Variants in EIF2S1 observed in about 807,000 individuals in gnomAD.
EIF2S1 encodes the protein eukaryotic translation initiation factor 2 subunit 1.
In EIF2S1, 5 loss-of-function variants were observed where a neutral mutation model predicts 33.5. That is an observed-to-expected ratio of 0.15 (90% CI 0.08 to 0.31). EIF2S1 has a LOEUF of 0.31. Ranked by LOEUF, EIF2S1 falls within the 10% of genes least tolerant of loss-of-function variation. EIF2S1 has a pLI of 1.00. For missense variants in EIF2S1, 191 were observed against 384.6 expected, an observed-to-expected ratio of 0.50 and a Z score of 4.21; for synonymous variants, 99 against 127.5, an observed-to-expected ratio of 0.78 and a Z score of 1.51.
intron 2 of EIF2S1, among the ~76,000 whole-genome samples, chr14:67,369,528 C>T (rs1422884336): frequency 1.3e-5 from 2 of 152,146 alleles, no homozygotes; most frequent in East Asian, 3.8e-4. Flanking sequence ...ACATTATTTT[C>T]AAGTGTGCAT....
chr14:67,367,504 C>T (rs1032950817), intron 2 of EIF2S1, among the ~76,000 whole-genome samples: 5 of 152,250 alleles, frequency 3.3e-5, no homozygotes, highest in African/African-American at 1.2e-4. Flanking sequence ...GCTGGGATTA[C>T]AGGCGTGAGC....
chr14:67,374,529 A>T lies in EIF2S1; in HGVS notation c.303A>T (p.Lys101Asn). 6.2e-7 allele frequency: 1 copy of T among 1,608,038 alleles called. No individual in the cohort carries two copies. Among genetic ancestry groups the T allele is most frequent in the South Asian group, 1.1e-5 (1 of 89,960 alleles). ...AGGAAGCAATCAAATGTGAAGACAA[A>T]TTCACAAAATCCAAAACTGTAAGTT... ...SPEEAIKCEDKFTKSKTVYSI... is the reference protein window; with the variant it reads ...SPEEAIKCEDNFTKSKTVYSI... The change falls in exon 3 of 8, where the codon AAA (lysine) becomes AAT (asparagine). Residue 101 changes from lysine (K) to asparagine (N), a missense_variant. Transcript: ENST00000256383.
chr14:67,364,294 T>A (rs2085760229), intron 1 of EIF2S1: 1 of 152,246 alleles, frequency 6.6e-6, no homozygotes, highest in African/African-American at 2.4e-5. Context: ...TCATTTGGTA[T>A]ATTGGTTAGG....
chr14:67,382,571 T>C lies in EIF2S1; in HGVS notation c.803T>C (p.Val268Ala). 1.2e-6 allele frequency: 2 copies of C among 1,613,848 alleles called. No homozygotes were observed. Among genetic ancestry groups the C allele is most frequent in the South Asian group, 2.2e-5 (2 of 91,066 alleles). The change falls in exon 7 of 8, where the codon GTG (valine) becomes GCG (alanine). Residue 268 changes from valine (V) to alanine (A), a missense_variant. Transcript: ENST00000256383. ...GAGAAGATTGAGGAAAAGAGGGGTGTGTTCAATGTTCAAATGGAGGTGAGA... is the reference window on the plus strand; with the variant it reads ...GAGAAGATTGAGGAAAAGAGGGGTGCGTTCAATGTTCAAATGGAGGTGAGA... ...IKEKIEEKRG[V>A]FNVQMEPKVV...
At chr14:67,382,790 A>G in intron 7 of EIF2S1, 200 bp downstream of exon 7, 2 of 579,038 alleles carry the variant, frequency 3.5e-6, no homozygotes, top group Non-Finnish European at 6.0e-6. Flanking sequence ...AAGTTTTTTT[A>G]TGGTTTGAAT....
chr14:67,361,349 A>G (rs780135222), intron 1 of EIF2S1, among the ~76,000 whole-genome samples: 3 of 152,204 alleles, frequency 2.0e-5, no homozygotes, highest in Non-Finnish European at 4.4e-5. Context: ...TTTGCTACCT[A>G]TTCTTAGTTC....
At chr14:67,379,897 G>T (rs188188195) in intron 4 of EIF2S1, among the ~76,000 whole-genome samples, 2 of 151,620 alleles carry the variant, frequency 1.3e-5, no homozygotes, top group South Asian at 2.1e-4. Flanking sequence ...CTCGTGATCC[G>T]CCCGCCTCGG....
At chr14:67,381,758 G>GT in intron 6 of EIF2S1, 68 bp downstream of exon 6, 7 of 1,040,024 alleles carry the variant, frequency 6.7e-6, no homozygotes, top group South Asian at 3.5e-5. Flanking sequence ...TTTGATCTTT[G>GT]TTTCTTTTTT....
intron 6 of EIF2S1, 36 bp downstream of exon 6, chr14:67,381,726 C>T (rs1288693814): frequency 1.3e-5 from 18 of 1,395,024 alleles, no homozygotes; most frequent in Non-Finnish European, 1.8e-5. Context: ...TGCTGAAATG[C>T]TCACCTAAAC....
Position 67,379,300 on chromosome 14 carries a change from T to C in EIF2S1, c.474-1359T>C, listed in dbSNP as rs113554685. 7.6e-3 allele frequency among the ~76,000 whole-genome samples: 1,151 copies of C among 152,326 alleles called. 13 individuals carry two copies. The highest frequency in any genetic ancestry group is 0.025 in the African/African-American group (1,035 of 41,566). ...TGGTTTCACCAAATCCTTGCCACAA[T>C]TTGGTATATATCTGATTTTTTCTCC... On this transcript the variant is annotated intron_variant, in intron 4 of 7. Coordinates refer to ENST00000256383, the MANE Select transcript of EIF2S1 (RefSeq NM_004094.5).
chr14:67,361,863 C>G (rs1015097348), intron 1 of EIF2S1, among the ~76,000 whole-genome samples: 2 of 152,146 alleles, frequency 1.3e-5, no homozygotes, highest in Non-Finnish European at 2.9e-5. Context: ...AGCATTTGTT[C>G]TTAAGGAAGT....
At chr14:67,367,184 C>T (rs1041190852) in intron 2 of EIF2S1, among the ~76,000 whole-genome samples, 10 of 152,336 alleles carry the variant, frequency 6.6e-5, no homozygotes, top group African/African-American at 1.7e-4. Flanking sequence ...GGAGACAGAG[C>T]TTATAGTTTT....
chr14:67,363,486 A>G (rs890433743), intron 1 of EIF2S1, among the ~76,000 whole-genome samples: 1 of 152,032 alleles, frequency 6.6e-6, no homozygotes, highest in African/African-American at 2.4e-5. Flanking sequence ...TCTAATTATA[A>G]TATATTTATG....
intron 6 of EIF2S1, 109 bp from the exon 7 acceptor site, chr14:67,382,338 C>CGTTTTGGGGTGATTTGTTAATACAGCA: frequency 1.0e-6 from 1 of 999,646 alleles, no homozygotes; most frequent in East Asian, 2.6e-5. Context: ...TTGGCAATTA[C>CGTTTTGGGGTGATTTGTTAATACAGCA]GTTTTGGGGT....
chr14:67,362,074 T>G (rs1595642255), intron 1 of EIF2S1, among the ~76,000 whole-genome samples: 2 of 149,000 alleles, frequency 1.3e-5, no homozygotes, highest in Admixed American at 6.8e-5. Context: ...CAGGCTGGAG[T>G]GTAGTGGCAC....
chr14:67,381,468 GTA>G, intron 5 of EIF2S1, 123 bp from the exon 6 acceptor site: 1 of 657,704 alleles, frequency 1.5e-6, no homozygotes, highest in Non-Finnish European at 2.6e-6. Flanking sequence ...AGGAACTGCA[GTA>G]TAGAGAGGTT....
rs1408931116 is a variant in EIF2S1, at chr14:67,382,488, A to G, written c.720A>G (p.Thr240=). 6.2e-7 allele frequency: 1 copy of G among 1,613,650 alleles called. No homozygotes were observed. Among genetic ancestry groups the G allele is most frequent in the Non-Finnish European group, 8.5e-7 (1 of 1,179,786 alleles). ...CTCCTCGGTATGTAATGACTACGAC[A>G]ACCCTGGAGAGAACAGAAGGCCTTT... is the stretch of plus-strand genomic sequence containing the variant. The part of the protein sequence containing the change: ...IAPPRYVMTT[T]TLERTEGLSV... Residue 240 remains threonine (T), a synonymous_variant, in exon 7 of 8, where the codon ACA becomes ACG. Coordinates refer to ENST00000256383, the MANE Select transcript of EIF2S1 (RefSeq NM_004094.5).
At chr14:67,381,293 A>G (rs922498309) in intron 5 of EIF2S1, among the ~76,000 whole-genome samples, 9 of 152,190 alleles carry the variant, frequency 5.9e-5, no homozygotes, top group Admixed American at 6.5e-5. Context: ...GCACCCTTAT[A>G]TTATACATAC....
In EIF2S1 at chr14:67,385,456, A is replaced by C. The variant is rs1361682920; in HGVS notation, c.*2016A>C. ...CCCTGTCTCAAAAAAAAAAAAAAAA[A>C]CCAAAAATCTTGAATCTCCCATCAA... On this transcript the variant is annotated 3_prime_UTR_variant, in exon 8 of 8. Coordinates refer to ENST00000256383, the MANE Select transcript of EIF2S1 (RefSeq NM_004094.5). 2 of 149,072 alleles carry C rather than the reference A, an allele frequency of 1.3e-5. No individual in the cohort carries two copies. Among genetic ancestry groups the C allele is most frequent in the Non-Finnish European group, 3.0e-5 (2 of 67,644 alleles). 9.2% of individuals were successfully genotyped at this position (149,072 alleles called of 1,614,324 possible). A position where few individuals can be genotyped will look rare whatever the true frequency, so the allele number is the denominator to read the frequency against.
Sources: gnomAD v4.1 joint callset for allele counts (sites outside exome capture counted in the v4.1 genomes callset) on GRCh38, gnomAD v4.1.1 for gene constraint, MANE v1.5 for transcripts, NCBI Gene and HGNC (gene_info 2026-07-23, HGNC 2026-07-21) for gene names.